The following HYCC2 variants were observed in gnomAD, a reference collection of about 807,000 sequenced individuals.
HYCC2 encodes hyccin 2.
At chr2:200,976,801 ATTGC>A in the HYCC2 span, 1 of 152,190 alleles carries the variant, frequency 6.6e-6, no homozygotes, top group East Asian at 1.9e-4. Flanking sequence ...ATAAGGAAAT[ATTGC>A]TTGCATTTGC....
the HYCC2 span, among the ~76,000 whole-genome samples, chr2:201,058,372 A>C: frequency 6.6e-6 from 1 of 152,244 alleles, no homozygotes; most frequent in Non-Finnish European, 1.5e-5. Context: ...CAAAACAATA[A>C]AACAACCAGC....
the HYCC2 span, chr2:201,052,380 G>A: frequency 8.5e-5 from 13 of 152,586 alleles, no homozygotes; most frequent in Admixed American, 3.3e-4. Flanking sequence ...CAAGGCAGGA[G>A]GACTGCTTGA....
the HYCC2 span, among the ~76,000 whole-genome samples, chr2:201,058,675 G>A: frequency 6.6e-6 from 1 of 152,146 alleles, no homozygotes; most frequent in African/African-American, 2.4e-5. Context: ...TTGGCCTCCA[G>A]CCTGGGAAAC....
chr2:201,041,918 A>T, the HYCC2 span, among the ~76,000 whole-genome samples: 7 of 152,262 alleles, frequency 4.6e-5, no homozygotes, highest in East Asian at 1.4e-3. Flanking sequence ...TAGTACCTTC[A>T]TTTGAAAAAT....
the HYCC2 span, among the ~76,000 whole-genome samples, chr2:201,019,940 ATTAGCAGGG>A: frequency 6.6e-6 from 1 of 151,892 alleles, no homozygotes; most frequent in Non-Finnish European, 1.5e-5. Context: ...AAAAAATAAA[ATTAGCAGGG>A]TGTGGTAGCA....
chr2:201,046,041 G>C, the HYCC2 span, among the ~76,000 whole-genome samples: 1 of 151,898 alleles, frequency 6.6e-6, no homozygotes, highest in Non-Finnish European at 1.5e-5. Context: ...ATAAAACCAA[G>C]CTTAAATAAT....
At chr2:200,992,264 T>G in the HYCC2 span, 1 of 1,458,894 alleles carries the variant, frequency 6.9e-7, no homozygotes, top group South Asian at 1.1e-5. Context: ...TAATAAAGAG[T>G]TAAGATAATA....
chr2:201,031,754 T>A, the HYCC2 span, among the ~76,000 whole-genome samples: 1 of 152,238 alleles, frequency 6.6e-6, no homozygotes, highest in Non-Finnish European at 1.5e-5. Flanking sequence ...ATCTGGAGGT[T>A]ATTTTAGAAT....
the HYCC2 span, among the ~76,000 whole-genome samples, chr2:201,033,690 G>A: frequency 5.9e-5 from 9 of 151,648 alleles, no homozygotes; most frequent in East Asian, 1.9e-4. Context: ...AGGTGTAAGC[G>A]ACGGCACCCA....
At chr2:201,071,204 G>A in the HYCC2 span, among the ~76,000 whole-genome samples, 7 of 152,084 alleles carry the variant, frequency 4.6e-5, no homozygotes, top group African/African-American at 1.7e-4. Flanking sequence ...CCCAGGAAAT[G>A]GCCCTAAGAA....
chr2:200,999,479 A>T, the HYCC2 span, among the ~76,000 whole-genome samples: 2 of 151,156 alleles, frequency 1.3e-5, no homozygotes, highest in African/African-American at 4.9e-5. Context: ...TCCGCCTCCC[A>T]GGTTCAAGCC....
the HYCC2 span, chr2:200,997,092 T>C: frequency 6.9e-4 from 115 of 167,216 alleles, no homozygotes; most frequent in African/African-American, 2.5e-3. Flanking sequence ...AGCAAGACCC[T>C]TTCTCTACAA....
At chr2:201,067,076 A>G in the HYCC2 span, 3 of 302,732 alleles carry the variant, frequency 9.9e-6, no homozygotes, top group Admixed American at 7.2e-5. Flanking sequence ...GCTCCATAAC[A>G]TTGATGAGCC....
At chr2:201,067,368 T>C in the HYCC2 span, among the ~76,000 whole-genome samples, 18 of 152,342 alleles carry the variant, frequency 1.2e-4, no homozygotes, top group South Asian at 3.7e-3. Context: ...AGATATTCTG[T>C]AAACCATGCT....
At chr2:200,987,606 A>T in the HYCC2 span, 3 of 1,149,510 alleles carry the variant, frequency 2.6e-6, no homozygotes, top group South Asian at 1.4e-5. Context: ...ACCCAGGCAG[A>T]TAAGAGAATG....
At chr2:201,019,502 C>T in the HYCC2 span, among the ~76,000 whole-genome samples, 9 of 152,196 alleles carry the variant, frequency 5.9e-5, no homozygotes, top group Admixed American at 1.3e-4. Flanking sequence ...CCTGTAATTC[C>T]GGCACTTTGG....
chr2:201,061,078 A>C, the HYCC2 span, among the ~76,000 whole-genome samples: 990 of 152,246 alleles, frequency 6.5e-3, 12 homozygotes, highest in African/African-American at 0.022. Context: ...TTATCAAAAA[A>C]AAAAAGGAAC....
the HYCC2 span, among the ~76,000 whole-genome samples, chr2:201,035,371 C>T: frequency 6.6e-6 from 1 of 152,132 alleles, no homozygotes; most frequent in Non-Finnish European, 1.5e-5. Context: ...ATCACTGATA[C>T]CCTTTCTTCC....
the HYCC2 span, among the ~76,000 whole-genome samples, chr2:201,029,826 T>C: frequency 6.6e-6 from 1 of 152,146 alleles, no homozygotes; most frequent in African/African-American, 2.4e-5. Context: ...AAATACCTAA[T>C]GTAAATGACG....
Sources: gnomAD v4.1 joint callset for allele counts (sites outside exome capture counted in the v4.1 genomes callset) on GRCh38, gnomAD v4.1.1 for gene constraint, MANE v1.5 for transcripts, NCBI Gene and HGNC (gene_info 2026-07-23, HGNC 2026-07-21) for gene names.